The following SYCP1 variants were observed in gnomAD, a reference collection of about 807,000 sequenced individuals.
SYCP1 encodes the protein synaptonemal complex protein 1, also known as cancer/testis antigen 8.
In SYCP1, 64 loss-of-function variants were observed where a neutral mutation model predicts 153.1. That is an observed-to-expected ratio of 0.42 (90% CI 0.34 to 0.51). SYCP1 has a LOEUF of 0.51. Ranked by LOEUF, SYCP1 falls within the 20% of genes least tolerant of loss-of-function variation. The probability of loss-of-function intolerance (pLI) is 0.06; values close to 1 mark genes in which losing one functional copy is unlikely to be tolerated. For missense variants in SYCP1, 997 were observed against 1,049.0 expected, an observed-to-expected ratio of 0.95 and a Z score of 0.68; for synonymous variants, 384 against 341.8, an observed-to-expected ratio of 1.12 and a Z score of -1.36.
At chr1:114,854,329 T>A (rs1462893813), upstream of SYCP1, among the ~76,000 whole-genome samples, 1 of 152,112 alleles carries the variant, frequency 6.6e-6, no homozygotes, top group Non-Finnish European at 1.5e-5. Context: ...AGGCAGGGTC[T>A]CACTACGTTG....
Position 114,858,559 on chromosome 1 carries a change from T to C in SYCP1, c.304T>C (p.Leu102=), listed in dbSNP as rs775598194. 1.3e-6 allele frequency: 2 copies of C among 1,591,108 alleles called. No individual in the cohort carries two copies. The highest frequency in any genetic ancestry group is 1.7e-6 in the Non-Finnish European group (2 of 1,170,528). ...CATATTTTAATAGAATTCAGAGGGA[T>C]TGAGCAGAGTGTATTCAAAACTGTA... ...KDSDLENSEG[L]SRVYSKLYKE... The change falls in exon 6 of 32, where the codon TTG becomes CTG. Residue 102 remains leucine, a synonymous_variant. Coordinates refer to ENST00000369522, the MANE Select transcript of SYCP1 (RefSeq NM_003176.4).
chr1:114,981,590 C>A (rs1673157348), intron 29 of SYCP1, 78 bp downstream of exon 29: 2 of 1,274,966 alleles, frequency 1.6e-6, no homozygotes, highest in Non-Finnish European at 1.1e-6. Flanking sequence ...ATATATCTGG[C>A]ATCACGCACA....
intron 27 of SYCP1, among the ~76,000 whole-genome samples, chr1:114,976,140 C>T (rs1008793598): frequency 6.6e-6 from 1 of 151,730 alleles, no homozygotes; most frequent in African/African-American, 2.4e-5. Flanking sequence ...ATCCTTGGTG[C>T]ACAAGATAGT....
At chr1:114,954,547 T>A (rs556423846) in intron 27 of SYCP1, among the ~76,000 whole-genome samples, 1 of 148,334 alleles carries the variant, frequency 6.7e-6, no homozygotes, top group Non-Finnish European at 1.5e-5. Flanking sequence ...TCAGTATGCT[T>A]TTTATTTATT....
intron 8 of SYCP1, chr1:114,862,894 C>T (rs1664473865): frequency 6.6e-6 from 1 of 151,836 alleles, no homozygotes; most frequent in Admixed American, 6.6e-5. Context: ...TTTATTCATT[C>T]ATTCAATATT....
At chr1:114,934,859 A>G (rs1669886694) in intron 23 of SYCP1, among the ~76,000 whole-genome samples, 1 of 152,220 alleles carries the variant, frequency 6.6e-6, no homozygotes, top group African/African-American at 2.4e-5. Flanking sequence ...AGAGCTAACC[A>G]TCCTAAATAT....
chr1:114,862,200 C>G (rs1664427575), intron 8 of SYCP1, among the ~76,000 whole-genome samples: 2 of 152,066 alleles, frequency 1.3e-5, no homozygotes, highest in South Asian at 4.2e-4. Context: ...TCTACTATAT[C>G]CTATGTACTC....
chr1:114,913,213 G>T, intron 19 of SYCP1, 63 bp downstream of exon 19: 1 of 1,260,908 alleles, frequency 7.9e-7, no homozygotes, highest in East Asian at 2.3e-5. Context: ...TAGAATAGAT[G>T]ACCTCTAAAG....
At chr1:114,982,199 G>A (rs1411083952) in intron 29 of SYCP1, among the ~76,000 whole-genome samples, 1 of 151,950 alleles carries the variant, frequency 6.6e-6, no homozygotes, top group Admixed American at 6.6e-5. Flanking sequence ...TATCTAACTA[G>A]GGAATGAGAT....
intron 16 of SYCP1, among the ~76,000 whole-genome samples, chr1:114,903,790 T>C (rs77863052): frequency 6.6e-6 from 1 of 152,276 alleles, no homozygotes; most frequent in East Asian, 1.9e-4. Context: ...TGGGAGGTCG[T>C]AGTAGTAGTG....
At chr1:114,904,120 CT>C (rs1272855607) in intron 16 of SYCP1, among the ~76,000 whole-genome samples, 3,490 of 142,096 alleles carry the variant, frequency 0.025, 92 homozygotes, top group African/African-American at 0.079. Flanking sequence ...TTCTTTCTTT[CT>C]TTTTTTTTTT....
chr1:114,941,439 T>TA (rs1291132846), intron 23 of SYCP1, among the ~76,000 whole-genome samples: 1 of 152,168 alleles, frequency 6.6e-6, no homozygotes, highest in Non-Finnish European at 1.5e-5. Context: ...TAAATCTGTT[T>TA]ACTCTTATCC....
chr1:114,926,481 A>G lies in SYCP1; in HGVS notation c.1864-20A>G. On this transcript the variant is annotated intron_variant, in intron 22 of 31. Coordinates refer to ENST00000369522, the MANE Select transcript of SYCP1 (RefSeq NM_003176.4). Reference sequence around the variant, plus strand: ...TTGAATAACTTTAGTACTAAATATAATTATTTTTAATTTTAACAGAATAAG... The same window carrying G: ...TTGAATAACTTTAGTACTAAATATAGTTATTTTTAATTTTAACAGAATAAG... 1 of 1,538,462 alleles carries G rather than the reference A, an allele frequency of 6.5e-7. No homozygotes were observed. Among genetic ancestry groups the G allele is most frequent in the Non-Finnish European group, 8.7e-7 (1 of 1,143,388 alleles).
At chr1:114,944,307 C>T (rs1670554917) in intron 23 of SYCP1, 32 bp from the exon 24 acceptor site, 1 of 1,184,128 alleles carries the variant, frequency 8.4e-7, no homozygotes, top group African/African-American at 1.5e-5. Flanking sequence ...ATAGCATTTA[C>T]TAATATTCAT....
At chr1:114,857,633 T>C in intron 5 of SYCP1, 136 bp downstream of exon 5, 1 of 630,272 alleles carries the variant, frequency 1.6e-6, no homozygotes, top group Non-Finnish European at 2.4e-6. Flanking sequence ...AAAACCTTTT[T>C]TTCTGCTTCT....
intron 23 of SYCP1, among the ~76,000 whole-genome samples, chr1:114,938,224 A>G (rs977404896): frequency 6.6e-6 from 1 of 152,200 alleles, no homozygotes; most frequent in African/African-American, 2.4e-5. Context: ...GCCATAAAAA[A>G]GGACGAGTTC....
chr1:114,948,963 C>T (rs532807144), intron 27 of SYCP1, among the ~76,000 whole-genome samples: 3 of 152,262 alleles, frequency 2.0e-5, no homozygotes, highest in Non-Finnish European at 2.9e-5. Flanking sequence ...AGTTCTTTGG[C>T]TCTCACATAA....
intron 21 of SYCP1, among the ~76,000 whole-genome samples, chr1:114,924,798 G>A (rs921899512): frequency 6.6e-6 from 1 of 152,048 alleles, no homozygotes; most frequent in Non-Finnish European, 1.5e-5. Flanking sequence ...GGGGAAAAAT[G>A]AGGGTGGATC....
intron 9 of SYCP1, among the ~76,000 whole-genome samples, chr1:114,875,717 T>C (rs1245612994): frequency 6.6e-6 from 1 of 152,194 alleles, no homozygotes; most frequent in Non-Finnish European, 1.5e-5. Context: ...TTTGGATTCA[T>C]GGGGAGAGGC....
Sources: allele counts gnomAD v4.1 joint callset (sites outside exome capture counted in the v4.1 genomes callset), GRCh38; gene constraint gnomAD v4.1.1; transcripts MANE v1.5; gene names NCBI Gene and HGNC (gene_info 2026-07-23, HGNC 2026-07-21).